The following SMOC2 variants were observed in gnomAD, a reference collection of about 807,000 sequenced individuals.
SMOC2 encodes SPARC related modular calcium binding 2.
A neutral mutation model predicts 61.4 loss-of-function variants in SMOC2; 39 were observed. That is an observed-to-expected ratio of 0.64 (90% CI 0.49 to 0.83). The LOEUF is 0.83. Ranked by LOEUF, SMOC2 falls within the 40% of genes least tolerant of loss-of-function variation. SMOC2 has a pLI of 0.00. For missense variants in SMOC2, 556 were observed against 592.9 expected, an observed-to-expected ratio of 0.94 and a Z score of 0.65; for synonymous variants, 247 against 239.9, an observed-to-expected ratio of 1.03 and a Z score of -0.27.
rs138079839 is a variant in SMOC2, at chr6:168,566,684, G to A, written c.637+17481G>A. On this transcript the variant is annotated intron_variant, in intron 7 of 12. Coordinates refer to ENST00000356284, the MANE Select transcript of SMOC2 (RefSeq NM_001166412.2). ...TTTTAGTAGCATTTAGTGGAGAGTAGAGTATTTTGTATTTTTGTGTTTGCC... is the reference window on the plus strand; with the variant it reads ...TTTTAGTAGCATTTAGTGGAGAGTAAAGTATTTTGTATTTTTGTGTTTGCC... 8.3e-3 allele frequency among the ~76,000 whole-genome samples: 1,265 copies of A among 151,894 alleles called. 7 individuals are homozygous for A. Among genetic ancestry groups the A allele is most frequent in the South Asian group, 0.05 (238 of 4,798 alleles).
chr6:168,543,344 G>C (rs9456176), intron 4 of SMOC2, among the ~76,000 whole-genome samples: 3,915 of 152,222 alleles, frequency 0.026, 164 homozygotes, highest in African/African-American at 0.089. Flanking sequence ...TGACATTTTT[G>C]AGGTGAAGAG....
At chr6:168,640,121 G>A (rs1786854506) in intron 9 of SMOC2, among the ~76,000 whole-genome samples, 1 of 152,120 alleles carries the variant, frequency 6.6e-6, no homozygotes, top group South Asian at 2.1e-4. Flanking sequence ...GCCCTGGTCA[G>A]CCCTCCAGTC....
intron 4 of SMOC2, among the ~76,000 whole-genome samples, chr6:168,536,764 C>T (rs1783742324): frequency 6.6e-6 from 1 of 152,170 alleles, no homozygotes; most frequent in Admixed American, 6.5e-5. Context: ...GCCGTCCCTG[C>T]TCCAGAATGT....
At chr6:168,624,721 GACAC>G (rs1159660819) in intron 9 of SMOC2, among the ~76,000 whole-genome samples, 1 of 150,796 alleles carries the variant, frequency 6.6e-6, no homozygotes, top group Non-Finnish European at 1.5e-5. Context: ...CACAGACACA[GACAC>G]ACAGACACAA....
chr6:168,500,440 C>T (rs992031518), intron 1 of SMOC2, among the ~76,000 whole-genome samples: 1 of 152,034 alleles, frequency 6.6e-6, no homozygotes, highest in Non-Finnish European at 1.5e-5. Flanking sequence ...CCTGTTGACT[C>T]GGGTGGAAGG....
At chr6:168,511,887 C>T (rs1467718346) in intron 2 of SMOC2, among the ~76,000 whole-genome samples, 1 of 143,312 alleles carries the variant, frequency 7.0e-6, no homozygotes, top group African/African-American at 2.6e-5. Flanking sequence ...TTAAAGGCTA[C>T]ACAAATGCCA....
intron 4 of SMOC2, among the ~76,000 whole-genome samples, chr6:168,531,657 G>T (rs927940779): frequency 6.6e-6 from 1 of 152,210 alleles, no homozygotes; most frequent in Non-Finnish European, 1.5e-5. Flanking sequence ...ACTTGGCCAC[G>T]CAGAAGTGCC....
At chr6:168,507,013 C>G (rs931228402) in intron 1 of SMOC2, among the ~76,000 whole-genome samples, 12 of 152,186 alleles carry the variant, frequency 7.9e-5, no homozygotes, top group African/African-American at 2.7e-4. Flanking sequence ...TGTCCATAAC[C>G]TGTATGTTCT....
At chr6:168,548,062 G>A (rs375510089) in intron 6 of SMOC2, among the ~76,000 whole-genome samples, 4 of 152,158 alleles carry the variant, frequency 2.6e-5, no homozygotes, top group African/African-American at 9.7e-5. Flanking sequence ...CGGGGTTTAA[G>A]GGCAAAGTGT....
chr6:168,453,654 C>T lies in SMOC2; in HGVS notation c.84+12200C>T, dbSNP rs921281116. ...TTTGTCTCTCTCTGTCTCTTTCTCT[C>T]TGTCTCTTCCTGTCTCTTTCTGTCT... On this transcript the variant is annotated intron_variant, in intron 1 of 12. Transcript: ENST00000356284. The surrounding 1 kb of genome is among the most constrained non-coding windows in gnomAD (Gnocchi z 4.4). 6.6e-6 allele frequency among the ~76,000 whole-genome samples: 1 copy of T among 151,932 alleles called. No individual in the cohort carries two copies. The highest frequency in any genetic ancestry group is 2.4e-5 in the African/African-American group (1 of 41,346).
At chr6:168,615,310 ACGGGGCC>A (rs1786044311) in intron 9 of SMOC2, among the ~76,000 whole-genome samples, 1 of 81,912 alleles carries the variant, frequency 1.2e-5, no homozygotes, top group Admixed American at 1.2e-4. Context: ...TACAGCCAGC[ACGGGGCC>A]TCTTCACACC....
intron 7 of SMOC2, among the ~76,000 whole-genome samples, chr6:168,574,872 C>T (rs1784759830): frequency 6.6e-6 from 1 of 152,302 alleles, no homozygotes; most frequent in African/African-American, 2.4e-5. Context: ...CGGCCACCGC[C>T]CTTTGCATGA....
At chr6:168,469,327 A>G (rs1054305363) in intron 1 of SMOC2, among the ~76,000 whole-genome samples, 9 of 152,210 alleles carry the variant, frequency 5.9e-5, no homozygotes, top group African/African-American at 1.9e-4. Flanking sequence ...ACTCTTTGCA[A>G]CTTCCTAACG....
In SMOC2 at chr6:168,509,908, C is replaced by T. The variant is rs1365037989; in HGVS notation, c.85-7C>T. On this transcript the variant is annotated splice_polypyrimidine_tract_variant and splice_region_variant and intron_variant, in intron 1 of 12. Coordinates refer to ENST00000356284, the MANE Select transcript of SMOC2 (RefSeq NM_001166412.2). ...AATTTGTCTGGCTTCTTTTTTTCTCCTTTAAGTTTTTGAGAGTGGATCAAG... is the reference window on the plus strand; with the variant it reads ...AATTTGTCTGGCTTCTTTTTTTCTCTTTTAAGTTTTTGAGAGTGGATCAAG... The T allele has an allele frequency of 1.3e-6, 2 of 1,580,986 alleles. No homozygotes were observed. The highest frequency in any genetic ancestry group is 3.5e-5 in the Admixed American group (2 of 57,224).
At chr6:168,601,286 GTGC>G (rs1562374493) in intron 8 of SMOC2, among the ~76,000 whole-genome samples, 3 of 152,208 alleles carry the variant, frequency 2.0e-5, no homozygotes, top group African/African-American at 7.2e-5. Context: ...TGGAGCGTGA[GTGC>G]TGCCCCTTCC....
At chr6:168,445,697 C>T (rs115784385) in intron 1 of SMOC2, among the ~76,000 whole-genome samples, 487 of 152,220 alleles carry the variant, frequency 3.2e-3, no homozygotes, top group African/African-American at 0.011. Flanking sequence ...TACTGCATTC[C>T]CCAGTAGAAG....
intron 7 of SMOC2, among the ~76,000 whole-genome samples, chr6:168,577,363 T>G (rs1017810287): frequency 6.6e-6 from 1 of 152,140 alleles, no homozygotes; most frequent in Non-Finnish European, 1.5e-5. Context: ...TCTAAACAAG[T>G]GCTCTCTCTC....
intron 1 of SMOC2, among the ~76,000 whole-genome samples, chr6:168,468,031 A>G (rs1378970083): frequency 6.6e-6 from 1 of 152,164 alleles, no homozygotes; most frequent in Non-Finnish European, 1.5e-5. Flanking sequence ...TTTGTTTTTA[A>G]AAAATAGTGG....
chr6:168,509,538 TGGAG>T (rs1220762492), intron 1 of SMOC2, among the ~76,000 whole-genome samples: 2 of 62,158 alleles, frequency 3.2e-5, no homozygotes, highest in Admixed American at 1.2e-4. Flanking sequence ...GTGATGAATG[TGGAG>T]GCAAATTAGT....
Sources: allele counts gnomAD v4.1 joint callset (sites outside exome capture counted in the v4.1 genomes callset), GRCh38; gene constraint gnomAD v4.1.1; non-coding constraint Gnocchi (gnomAD v3.1); transcripts MANE v1.5; gene names NCBI Gene and HGNC (gene_info 2026-07-23, HGNC 2026-07-21).